Variants in CPNE9 observed in about 807,000 individuals in gnomAD.
CPNE9 encodes the protein copine family member 9.
In CPNE9, 59 loss-of-function variants were observed where a neutral mutation model predicts 83.0. That is an observed-to-expected ratio of 0.71 (90% CI 0.58 to 0.88). CPNE9 has a LOEUF of 0.88. CPNE9 is among the 40% of genes least tolerant of loss of function. CPNE9 has a pLI of 0.00. For synonymous variants in CPNE9, 256 were observed against 273.4 expected, an observed-to-expected ratio of 0.94 and a Z score of 0.63; for missense variants, 619 against 720.8, an observed-to-expected ratio of 0.86 and a Z score of 1.62.
In CPNE9 at chr3:9,704,643, A is replaced by G; in HGVS notation, c.109+16A>G. The G allele has an allele frequency of 6.2e-7, 1 of 1,613,534 alleles. No individual in the cohort carries two copies. Among genetic ancestry groups the G allele is most frequent in the Non-Finnish European group, 8.5e-7 (1 of 1,179,650 alleles). On this transcript the variant is annotated intron_variant, in intron 2 of 20. Transcript: ENST00000383832. This position sits in a 1 kb window ranked among gnomAD's most constrained non-coding sequence, Gnocchi z 7.1. Reference sequence around the variant, plus strand: ...TCCGACCCCAGTAGGCGGCTCCAGGACCGGGAGGGGGAACTTGGGGTCTGG... The same window carrying G: ...TCCGACCCCAGTAGGCGGCTCCAGGGCCGGGAGGGGGAACTTGGGGTCTGG...
chr3:9,711,771 G>C (rs888860641), intron 7 of CPNE9, among the ~76,000 whole-genome samples: 1 of 152,142 alleles, frequency 6.6e-6, no homozygotes, highest in Non-Finnish European at 1.5e-5. Flanking sequence ...GGGGGTTCTC[G>C]TATGCACCAT....
chr3:9,727,046 A>C (rs979820231), intron 19 of CPNE9, 67 bp from the exon 20 acceptor site: 14 of 1,559,180 alleles, frequency 9.0e-6, no homozygotes, highest in African/African-American at 1.4e-5. Flanking sequence ...GGGGAGCTCA[A>C]AGGGAGGGGG....
intron 19 of CPNE9, 87 bp from the exon 20 acceptor site, chr3:9,727,026 T>C: frequency 7.3e-7 from 1 of 1,365,798 alleles, no homozygotes; most frequent in Non-Finnish European, 1.0e-6. Flanking sequence ...ATTCTCCTGA[T>C]GACTCCAAAG....
intron 17 of CPNE9, 23 bp from the exon 18 acceptor site, chr3:9,725,926 T>C (rs1415568005): frequency 6.3e-7 from 1 of 1,578,546 alleles, no homozygotes; most frequent in Non-Finnish European, 8.7e-7. Flanking sequence ...TTCAGCTGGA[T>C]TCTCATTTGG....
chr3:9,719,015 TTAGTAGAGA>T (rs1466273575), intron 17 of CPNE9, among the ~76,000 whole-genome samples: 6 of 151,674 alleles, frequency 4.0e-5, no homozygotes, highest in Non-Finnish European at 8.8e-5. Context: ...TTTTGTGTTT[TTAGTAGAGA>T]CGGGGTTTCA....
At chr3:9,723,296 AC>A (rs1313612004) in intron 17 of CPNE9, among the ~76,000 whole-genome samples, 2 of 152,000 alleles carry the variant, frequency 1.3e-5, no homozygotes, top group Non-Finnish European at 2.9e-5. Flanking sequence ...ACATGGTGAA[AC>A]CCCGTCTCTA....
Position 9,704,675 on chromosome 3 carries a change from C to G in CPNE9, c.109+48C>G, listed in dbSNP as rs775997833. ...GGGGGAACTTGGGGTCTGGGCGCGA[C>G]TCAGGGGCGGGTGGAGTCGGGGCCA... On this transcript the variant is annotated intron_variant, in intron 2 of 20. Coordinates refer to ENST00000383832, the MANE Select transcript of CPNE9 (RefSeq NM_153635.3). The surrounding 1 kb of genome is among the most constrained non-coding windows in gnomAD (Gnocchi z 7.1). 7 of 1,611,800 alleles carry G rather than the reference C, an allele frequency of 4.3e-6. No individual in the cohort carries two copies. Among genetic ancestry groups the G allele is most frequent in the Non-Finnish European group, 4.2e-6 (5 of 1,178,012 alleles).
intron 17 of CPNE9, among the ~76,000 whole-genome samples, chr3:9,725,672 A>ATG (rs896155234): frequency 2.0e-3 from 58 of 29,030 alleles, no homozygotes; most frequent in Admixed American, 4.2e-3. Context: ...ATGTATATAT[A>ATG]TGTGTATATA....
intron 17 of CPNE9, among the ~76,000 whole-genome samples, chr3:9,721,834 C>T (rs150755498): frequency 6.6e-6 from 1 of 152,276 alleles, no homozygotes; most frequent in Non-Finnish European, 1.5e-5. Flanking sequence ...GGGCTTGGAC[C>T]CCAGCTTCAT....
At chr3:9,716,758 C>T (rs749369203) in intron 14 of CPNE9, among the ~76,000 whole-genome samples, 6 of 152,240 alleles carry the variant, frequency 3.9e-5, no homozygotes, top group East Asian at 3.8e-4. Context: ...GCGTGAGCCA[C>T]GGCGCCCAGC....
intron 7 of CPNE9, among the ~76,000 whole-genome samples, chr3:9,708,733 C>T (rs917219046): frequency 3.0e-4 from 46 of 151,600 alleles, no homozygotes; most frequent in African/African-American, 7.2e-4. Flanking sequence ...CCCGGGTTCA[C>T]GCCATTCTCC....
At chr3:9,727,210 G>A in intron 20 of CPNE9, 24 bp downstream of exon 20, 1 of 1,613,724 alleles carries the variant, frequency 6.2e-7, no homozygotes, top group Non-Finnish European at 8.5e-7. Flanking sequence ...GGGAGAGGCT[G>A]TGGAGCTGAG....
intron 17 of CPNE9, among the ~76,000 whole-genome samples, chr3:9,721,395 G>A (rs1229989920): frequency 6.6e-6 from 1 of 152,114 alleles, no homozygotes; most frequent in East Asian, 1.9e-4. Flanking sequence ...TTCTCACATT[G>A]CATCCCTGTT....
rs2076673101 is a variant in CPNE9, at chr3:9,715,425, A to G, written c.769-48A>G. 2.5e-6 allele frequency: 4 copies of G among 1,611,032 alleles called. No homozygotes were observed. In the South Asian group the frequency reaches 4.4e-5, roughly 18 times the overall value. ...CTCCATCCCAGTGTGCTCAGTCTGG[A>G]CCTCCCTTCCTTTGTTTCTCATCAT... On this transcript the variant is annotated intron_variant, in intron 12 of 20. Coordinates refer to ENST00000383832, the MANE Select transcript of CPNE9 (RefSeq NM_153635.3).
At chr3:9,727,453 T>G in intron 20 of CPNE9, 1 of 716,358 alleles carries the variant, frequency 1.4e-6, no homozygotes. Context: ...CAAAGAAATA[T>G]CTCATTAGAT....
At chr3:9,715,851 G>A (rs1345511644) in intron 13 of CPNE9, 123 bp from the exon 14 acceptor site, 1 of 774,248 alleles carries the variant, frequency 1.3e-6, no homozygotes, top group Non-Finnish European at 2.2e-6. Context: ...ACTGACTGGG[G>A]GAGCGGGTGG....
intron 14 of CPNE9, among the ~76,000 whole-genome samples, chr3:9,716,775 G>A (rs952558332): frequency 4.6e-5 from 7 of 152,098 alleles, no homozygotes; most frequent in African/African-American, 1.7e-4. Flanking sequence ...CAGCCAAATG[G>A]GGATATTAAT....
chr3:9,729,636 C>T lies in CPNE9; in HGVS notation c.1606C>T (p.Pro536Ser). 6.2e-7 allele frequency: 1 copy of T among 1,614,120 alleles called. No homozygotes were observed. The highest frequency in any genetic ancestry group is 8.5e-7 in the Non-Finnish European group (1 of 1,179,994). ...CTATATGCGCACCAGAGACATCCAG[C>T]CTCGGCCCCCACCCCCTGCCAACCC... Reference protein sequence around the residue: ...LSYMRTRDIQPRPPPPANPSP... With the variant: ...LSYMRTRDIQSRPPPPANPSP... The change falls in exon 21 of 21, where the codon CCT becomes TCT. Residue 536 changes from proline (P) to serine (S), a missense_variant. Physicochemically the swap from Pro to Ser is moderately conservative, Grantham distance 74. Coordinates refer to ENST00000383832, the MANE Select transcript of CPNE9 (RefSeq NM_153635.3).
intron 7 of CPNE9, among the ~76,000 whole-genome samples, chr3:9,709,022 C>T (rs2076592760): frequency 1.3e-5 from 2 of 150,958 alleles, no homozygotes; most frequent in African/African-American, 4.8e-5. Flanking sequence ...ACCTGTAATC[C>T]CAGCACTTTG....
Sources: allele counts gnomAD v4.1 joint callset (sites outside exome capture counted in the v4.1 genomes callset), GRCh38; gene constraint gnomAD v4.1.1; non-coding constraint Gnocchi (gnomAD v3.1); transcripts MANE v1.5; gene names NCBI Gene and HGNC (gene_info 2026-07-23, HGNC 2026-07-21).